The following KRT77 variants were observed in gnomAD, a reference collection of about 807,000 sequenced individuals.
The protein encoded by KRT77 is keratin, type II cytoskeletal 1b.
A neutral mutation model predicts 51.5 loss-of-function variants in KRT77; 44 were observed. That is an observed-to-expected ratio of 0.85 (90% CI 0.67 to 1.10). The LOEUF (loss-of-function observed/expected upper bound fraction) is 1.10, where lower values mean the gene tolerates loss of function less well. Among genes scored for constraint, KRT77 ranks in the 50% least tolerant of loss-of-function variants. KRT77 has a pLI of 0.00. For missense variants in KRT77, 763 were observed against 743.9 expected, an observed-to-expected ratio of 1.03 and a Z score of -0.30; for synonymous variants, 293 against 302.0, an observed-to-expected ratio of 0.97 and a Z score of 0.31.
chr12:52,691,930 C>T lies in KRT77; in HGVS notation c.1462+8G>A, dbSNP rs1156784531. 4 of 1,613,980 alleles carry T rather than the reference C, an allele frequency of 2.5e-6. No homozygotes were observed. ...AGCCTCTCTCTGCCCCTGGGCTCTGCTACTTACAGATGCTCACATGGCTCT... is the reference window on the plus strand; with the variant it reads ...AGCCTCTCTCTGCCCCTGGGCTCTGTTACTTACAGATGCTCACATGGCTCT... On this transcript the variant is annotated splice_region_variant and intron_variant, in intron 8 of 8. Coordinates refer to ENST00000341809, the MANE Select transcript of KRT77 (RefSeq NM_175078.3).
intron 1 of KRT77, among the ~76,000 whole-genome samples, chr12:52,701,467 C>G (rs1037368477): frequency 1.3e-5 from 2 of 152,206 alleles, no homozygotes; most frequent in African/African-American, 2.4e-5. Context: ...TGGCCTCTAG[C>G]CACAGCTACC....
intron 2 of KRT77, chr12:52,696,685 C>T (rs551734855): frequency 2.2e-6 from 1 of 450,018 alleles, no homozygotes; most frequent in African/African-American, 1.9e-5. Context: ...CAGAGAAGGT[C>T]CCTGGAATGT....
Position 52,703,129 on chromosome 12 carries a change from G to A in KRT77, c.306C>T (p.Thr102=), listed in dbSNP as rs1625862. The change falls in exon 1 of 9, where the codon ACC becomes ACT. Residue 102 remains threonine, a synonymous_variant. Transcript: ENST00000341809. ...GGGRGFGVGS[T]GAGGFGGGGF... Reference sequence around the variant, plus strand: ...CACCTCCTCCAAAGCCACCAGCCCCGGTGCTGCCAACCCCAAAGCCTCTGC... The same window carrying A: ...CACCTCCTCCAAAGCCACCAGCCCCAGTGCTGCCAACCCCAAAGCCTCTGC... 1,603,529 of 1,611,806 alleles carry A rather than the reference G, an allele frequency of 0.99. 797,949 individuals are homozygous for A. Among genetic ancestry groups the A allele is most frequent in the East Asian group, 1 (44,808 of 44,808 alleles).
intron 1 of KRT77, 171 bp from the exon 2 acceptor site, chr12:52,698,067 G>C: frequency 6.8e-7 from 1 of 1,471,178 alleles, no homozygotes; most frequent in South Asian, 1.2e-5. Context: ...AGGGCAATGT[G>C]GTTTCTGACT....
At chr12:52,702,651 T>C (rs1260355521) in intron 1 of KRT77, among the ~76,000 whole-genome samples, 1 of 151,794 alleles carries the variant, frequency 6.6e-6, no homozygotes, top group Non-Finnish European at 1.5e-5. Context: ...TGAATGAGAA[T>C]GAGGGTACTA....
chr12:52,695,701 C>T lies in KRT77; in HGVS notation c.915+71G>A, dbSNP rs1941785512. 3.6e-6 allele frequency: 4 copies of T among 1,098,456 alleles called. No homozygotes were observed. The East Asian group carries it at 9.8e-5, about 27-fold the overall frequency. The allele number at this position is 1,098,456 out of a possible 1,614,324, so 68.0% of individuals were successfully genotyped here. On this transcript the variant is annotated intron_variant, in intron 4 of 8. Transcript: ENST00000341809. ...GACCCTAGTGTTGGGTTTCAGGCCT[C>T]CCCTCTTACAGCCCATACTCCTTGT...
rs1349991584 is a variant in KRT77, at chr12:52,690,145, T to C, written c.*1020A>G. ...TTCACATGCCCACCCAATGGGGCAA[T>C]TCTCAGAGTGGTTATGATGCAGAGC... On this transcript the variant is annotated 3_prime_UTR_variant, in exon 9 of 9. Coordinates refer to ENST00000341809, the MANE Select transcript of KRT77 (RefSeq NM_175078.3). 6.6e-6 allele frequency: 1 copy of C among 152,234 alleles called. No homozygotes were observed. Among genetic ancestry groups the C allele is most frequent in the Non-Finnish European group, 1.5e-5 (1 of 68,082 alleles). The allele number at this position is 152,234 out of a possible 1,614,324, so 9.4% of individuals were successfully genotyped here.
At chr12:52,691,581 T>C in intron 8 of KRT77, 142 bp from the exon 9 acceptor site, 2 of 989,180 alleles carry the variant, frequency 2.0e-6, no homozygotes, top group Non-Finnish European at 2.9e-6. Flanking sequence ...AAATTGAAAG[T>C]GTTCCTACTT....
At chr12:52,696,740 A>G (rs1042903017) in intron 2 of KRT77, 7 of 292,274 alleles carry the variant, frequency 2.4e-5, no homozygotes, top group African/African-American at 1.5e-4. Context: ...TGTCAAACTC[A>G]TTCATTCCTT....
In KRT77 at chr12:52,691,431, T is replaced by C. The variant is rs759748041; in HGVS notation, c.1471A>G (p.Asn491Asp). ...LQSHVSISVQ[N>D]SQVSVNGGAG... ...CCGCCGTTGACGCTCACCTGGCTGT[T>C]CTGCACGGCTGTGGGTAGGGGACAG... Residue 491 changes from asparagine to aspartate, a missense_variant, in exon 9 of 9, where the codon AAC becomes GAC. Asn to Asp is a conservative substitution (Grantham distance 23). Transcript: ENST00000341809. 1.3e-6 allele frequency: 2 copies of C among 1,589,524 alleles called. No individual in the cohort carries two copies. Among genetic ancestry groups the C allele is most frequent in the South Asian group, 2.3e-5 (2 of 88,142 alleles).
In KRT77 at chr12:52,692,747, C is replaced by T. The variant is rs1357095; in HGVS notation, c.1206+8G>A. 0.013 allele frequency: 20,819 copies of T among 1,603,622 alleles called. 1,911 individuals are homozygous for T. In the East Asian group the frequency reaches 0.17, roughly 13 times the overall value. ...GCTTGGTCAGCCCTCCCTAAGCACC[C>T]GTCCCACCTGCTTCTTCACGTTGCT... On this transcript the variant is annotated splice_region_variant and intron_variant, in intron 6 of 8. Transcript: ENST00000341809.
intron 2 of KRT77, among the ~76,000 whole-genome samples, chr12:52,697,419 C>A (rs553071361): frequency 1.1e-4 from 17 of 152,330 alleles, no homozygotes; most frequent in African/African-American, 3.8e-4. Context: ...GTGGCAGAGG[C>A]CACACTGGAA....
chr12:52,692,283 A>C (rs1941722373), intron 7 of KRT77, 138 bp downstream of exon 7: 8 of 905,308 alleles, frequency 8.8e-6, no homozygotes, highest in Non-Finnish European at 1.3e-5. Context: ...CTCTGCCTCT[A>C]ATTGGAATGT....
intron 7 of KRT77, 91 bp downstream of exon 7, chr12:52,692,330 G>A: frequency 7.0e-7 from 1 of 1,421,132 alleles, no homozygotes; most frequent in Non-Finnish European, 9.6e-7. Flanking sequence ...TCCCAAAAAG[G>A]TGGGGCTTAT....
At chr12:52,702,385 GTGAA>G (rs1302374073) in intron 1 of KRT77, among the ~76,000 whole-genome samples, 1 of 152,000 alleles carries the variant, frequency 6.6e-6, no homozygotes, top group African/African-American at 2.4e-5. Flanking sequence ...TGATGGATGA[GTGAA>G]TGAACAGATG....
In KRT77 at chr12:52,692,492, C is replaced by T. The variant is rs1216243526; in HGVS notation, c.1356G>A (p.Met452Ile). 1 of 1,614,120 alleles carries T rather than the reference C, an allele frequency of 6.2e-7. No homozygotes were observed. The highest frequency in any genetic ancestry group is 1.7e-5 in the Admixed American group (1 of 60,026). Residue 452 changes from methionine to isoleucine, a missense_variant, in exon 7 of 9, where the codon ATG (methionine) becomes ATA (isoleucine). Physicochemically the swap from Met to Ile is conservative, Grantham distance 10 (BLOSUM62 1). Transcript: ENST00000341809. ...LARLLRDYQA[M>I]LGVKLSLDVE... ...CATCCAGGGACAGCTTGACCCCCAG[C>T]ATGGCCTGGTAGTCACGCAGCAGCC... is the stretch of plus-strand genomic sequence containing the variant.
At chr12:52,698,561 G>A (rs1408424670) in intron 1 of KRT77, among the ~76,000 whole-genome samples, 1 of 152,204 alleles carries the variant, frequency 6.6e-6, no homozygotes, top group Non-Finnish European at 1.5e-5. Flanking sequence ...CTACCCACTT[G>A]CTATTTCCCG....
chr12:52,697,864 T>G lies in KRT77; in HGVS notation c.576A>C (p.Leu192=). 1 of 1,613,910 alleles carries G rather than the reference T, an allele frequency of 6.2e-7. No homozygotes were observed. Among genetic ancestry groups the G allele is most frequent in the Non-Finnish European group, 8.5e-7 (1 of 1,179,878 alleles). Residue 192 remains leucine (L), a synonymous_variant, in exon 2 of 9, where the codon CTA becomes CTC. Transcript: ENST00000341809. Reference sequence around the variant, plus strand: ...GCTGCAGCAACTCCCATTTTGTTTGTAGCACCTGGTTCTGCTGCTCCAGGA... The same window carrying G: ...GCTGCAGCAACTCCCATTTTGTTTGGAGCACCTGGTTCTGCTGCTCCAGGA... ...VRFLEQQNQV[L]QTKWELLQQV...
intron 8 of KRT77, among the ~76,000 whole-genome samples, chr12:52,691,726 T>C (rs538431952): frequency 1.3e-5 from 2 of 152,356 alleles, no homozygotes; most frequent in East Asian, 1.9e-4. Context: ...TAAAAAGGCA[T>C]CATAACAATT....
Sources: allele counts gnomAD v4.1 joint callset (sites outside exome capture counted in the v4.1 genomes callset), GRCh38; gene constraint gnomAD v4.1.1; transcripts MANE v1.5; gene names NCBI Gene and HGNC (gene_info 2026-07-23, HGNC 2026-07-21).